The following RASGEF1B variants were observed in gnomAD, a reference collection of about 807,000 sequenced individuals.
RASGEF1B encodes ras-GEF domain-containing family member 1B.
In RASGEF1B, 30 loss-of-function variants were observed where a neutral mutation model predicts 65.7. The observed-to-expected ratio is 0.46, with a 90% confidence interval of 0.34 to 0.62. RASGEF1B has a LOEUF of 0.62. RASGEF1B is among the 20% of genes least tolerant of loss of function. RASGEF1B has a pLI of 0.01. For missense variants in RASGEF1B, 495 were observed against 580.1 expected (o/e 0.85, Z 1.51); for synonymous variants, 175 against 194.8 (o/e 0.90, Z 0.85).
intron 5 of RASGEF1B, 85 bp from the exon 6 acceptor site, chr4:81,447,663 AC>A: frequency 5.3e-6 from 5 of 939,902 alleles, no homozygotes; most frequent in South Asian, 4.2e-5. Flanking sequence ...TATTGGCACC[AC>A]CCCCCATTTT....
At chr4:81,466,771 A>AAGAAAGAAAGAAAGAAAGT (rs1560713653) in intron 1 of RASGEF1B, among the ~76,000 whole-genome samples, 1 of 26,732 alleles carries the variant, frequency 3.7e-5, no homozygotes, top group East Asian at 1.2e-3. Context: ...AAAAAAAAAA[A>AAGAAAGAAAGAAAGAAAGT]AAGAAAGAAA....
chr4:81,463,515 G>A (rs1722713571), intron 1 of RASGEF1B, among the ~76,000 whole-genome samples: 1 of 152,148 alleles, frequency 6.6e-6, no homozygotes, highest in Non-Finnish European at 1.5e-5. Flanking sequence ...AAAATTTAAT[G>A]AAAGAAATGA....
intron 4 of RASGEF1B, chr4:81,455,468 G>C (rs533157115): frequency 1.3e-5 from 2 of 152,202 alleles, no homozygotes; most frequent in African/African-American, 2.4e-5. Flanking sequence ...CAAGTTATAC[G>C]TTGCAGCACA....
intron 4 of RASGEF1B, chr4:81,452,300 G>A (rs1216341152): frequency 6.6e-6 from 1 of 152,130 alleles, no homozygotes; most frequent in African/African-American, 2.4e-5. Flanking sequence ...GGTAGAAATG[G>A]GGTTTCTCCA....
intron 6 of RASGEF1B, among the ~76,000 whole-genome samples, chr4:81,446,150 G>A (rs1208416084): frequency 6.6e-6 from 1 of 152,184 alleles, no homozygotes; most frequent in Non-Finnish European, 1.5e-5. Flanking sequence ...TGAGGTGGGT[G>A]GATCACCAGA....
At chr4:81,444,572 C>G (rs754785152) in intron 8 of RASGEF1B, among the ~76,000 whole-genome samples, 4 of 152,162 alleles carry the variant, frequency 2.6e-5, no homozygotes, top group African/African-American at 4.8e-5. Context: ...GAGTCTCCCT[C>G]TGTCGCCAGG....
At chr4:81,431,283 ATTAG>A (rs1721420521) in intron 13 of RASGEF1B, among the ~76,000 whole-genome samples, 1 of 149,886 alleles carries the variant, frequency 6.7e-6, no homozygotes, top group Admixed American at 6.7e-5. Context: ...TCAATGCATT[ATTAG>A]TTCTGTACAT....
At chr4:81,437,290 C>A (rs1035274579) in intron 10 of RASGEF1B, among the ~76,000 whole-genome samples, 2 of 152,048 alleles carry the variant, frequency 1.3e-5, no homozygotes, top group Admixed American at 6.5e-5. Context: ...ATATGAAATT[C>A]AAATGACAGT....
intron 10 of RASGEF1B, among the ~76,000 whole-genome samples, chr4:81,439,167 C>G (rs947174295): frequency 1.3e-5 from 2 of 152,148 alleles, no homozygotes; most frequent in South Asian, 4.2e-4. Flanking sequence ...GCCACACTGT[C>G]TTCCATAATT....
At chr4:81,460,795 C>T (rs1265580684) in intron 1 of RASGEF1B, among the ~76,000 whole-genome samples, 13 of 152,306 alleles carry the variant, frequency 8.5e-5, no homozygotes, top group Non-Finnish European at 1.0e-4. Flanking sequence ...GAGATAAAAA[C>T]CAACTTCATT....
chr4:81,448,675 A>G (rs1396496279), intron 4 of RASGEF1B, among the ~76,000 whole-genome samples: 1 of 152,194 alleles, frequency 6.6e-6, no homozygotes, highest in Admixed American at 6.5e-5. Context: ...TCGCAAGTCA[A>G]TGCATCCTTT....
intron 10 of RASGEF1B, among the ~76,000 whole-genome samples, chr4:81,434,968 T>C (rs1398569548): frequency 1.3e-5 from 2 of 152,208 alleles, no homozygotes; most frequent in African/African-American, 4.8e-5. Context: ...GGGAAGTGAA[T>C]AGGTTAGTAC....
chr4:81,442,138 T>C (rs1721859746), intron 9 of RASGEF1B, among the ~76,000 whole-genome samples, 159 bp downstream of exon 9: 2 of 152,154 alleles, frequency 1.3e-5, no homozygotes, highest in Non-Finnish European at 2.9e-5. Context: ...CCTGATTTAT[T>C]TTCCCCTCCA....
At chr4:81,434,533 C>A in intron 11 of RASGEF1B, 106 bp downstream of exon 11, 1 of 715,666 alleles carries the variant, frequency 1.4e-6, no homozygotes, top group East Asian at 2.7e-5. Context: ...ATAATTTGTT[C>A]TGAAACTGCA....
chr4:81,433,731 G>T, intron 12 of RASGEF1B, 109 bp downstream of exon 12: 1 of 1,144,660 alleles, frequency 8.7e-7, no homozygotes, highest in Admixed American at 2.2e-5. Context: ...ACATGGAACA[G>T]ATCAGAGGAC....
At chr4:81,455,575 T>C (rs1384162121) in intron 4 of RASGEF1B, 6 of 152,260 alleles carry the variant, frequency 3.9e-5, no homozygotes, top group African/African-American at 1.4e-4. Context: ...CATCTACTTT[T>C]TCCAGGTGAA....
At chr4:81,434,826 T>A (rs1721556061) in intron 10 of RASGEF1B, 92 bp from the exon 11 acceptor site, 1 of 698,102 alleles carries the variant, frequency 1.4e-6, no homozygotes, top group African/African-American at 1.8e-5. Context: ...CATTAACTTT[T>A]GATTATATGA....
intron 1 of RASGEF1B, among the ~76,000 whole-genome samples, chr4:81,467,494 T>G (rs1722881483): frequency 6.6e-6 from 1 of 152,198 alleles, no homozygotes; most frequent in Admixed American, 6.5e-5. Context: ...CAGGACATAT[T>G]GAATGTAAAG....
Position 81,445,511 on chromosome 4 carries a change from C to T in RASGEF1B, c.928+15G>A, listed in dbSNP as rs866690562. The T allele has an allele frequency of 1.3e-6, 2 of 1,544,760 alleles. No homozygotes were observed. Among genetic ancestry groups the T allele is most frequent in the Middle Eastern group, 1.7e-4 (1 of 5,962 alleles). ...CGTAAAGATAAACGACATGTATCCT[C>T]CACAAAATACTCACAGATTATCGCC... is the stretch of plus-strand genomic sequence containing the variant. On this transcript the variant is annotated intron_variant, in intron 8 of 13. Transcript: ENST00000264400.
Sources: allele counts gnomAD v4.1 joint callset (sites outside exome capture counted in the v4.1 genomes callset), GRCh38; gene constraint gnomAD v4.1.1; transcripts MANE v1.5; gene names NCBI Gene and HGNC (gene_info 2026-07-23, HGNC 2026-07-21).